NIBAN2: variants seen among roughly 807,000 people sequenced by gnomAD.
NIBAN2 encodes the protein niban apoptosis regulator 2.
A neutral mutation model predicts 81.8 loss-of-function variants in NIBAN2; 36 were observed. The ratio of observed to expected loss-of-function variants is 0.44; its 90% CI spans 0.34 to 0.58. The LOEUF is 0.58. NIBAN2 is among the 20% of genes least tolerant of loss of function. The pLI, the probability that NIBAN2 is intolerant of heterozygous loss-of-function variation, is 0.02. For missense variants in NIBAN2, 897 were observed against 1,014.1 expected (o/e 0.88, Z 1.57); for synonymous variants, 445 against 441.6 (o/e 1.01, Z -0.10).
chr9:127,533,383 G>GGAGGC (rs1174350561), intron 1 of NIBAN2, among the ~76,000 whole-genome samples: 4 of 152,248 alleles, frequency 2.6e-5, no homozygotes, highest in Admixed American at 6.5e-5. Context: ...CATGAACCCG[G>GGAGGC]GAGGCGGAGC....
At chr9:127,564,647 T>C (rs1443783145) in intron 1 of NIBAN2, among the ~76,000 whole-genome samples, 3 of 151,984 alleles carry the variant, frequency 2.0e-5, no homozygotes, top group Non-Finnish European at 4.4e-5. Context: ...TCGAGGTGGG[T>C]GGATCACCTG....
intron 1 of NIBAN2, among the ~76,000 whole-genome samples, chr9:127,564,106 A>AACTTG (rs1312481376): frequency 2.6e-5 from 4 of 152,222 alleles, no homozygotes; most frequent in African/African-American, 9.6e-5. Flanking sequence ...CAACTTGACC[A>AACTTG]ATATGGTAAA....
At position 127,545,596 on chromosome 9, in the gene NIBAN2, A is replaced by C. The variant is rs1837456662; in HGVS notation, c.56-13818T>G. Among the ~76,000 whole-genome samples the C allele has an allele frequency of 1.3e-5, 2 of 151,936 alleles. No individual in the cohort carries two copies. Among genetic ancestry groups the C allele is most frequent in the African/African-American group, 4.8e-5 (2 of 41,364 alleles). ...CCAGGAGTCAGCTGGGGTTTTTCAC[A>C]AGGCTGCCTTGAAAACTCTTCTCGG... On this transcript the variant is annotated intron_variant, in intron 1 of 13. Coordinates refer to ENST00000373312, the MANE Select transcript of NIBAN2 (RefSeq NM_022833.4). This position sits in a 1 kb window ranked among gnomAD's most constrained non-coding sequence, Gnocchi z 4.7.
intron 1 of NIBAN2, among the ~76,000 whole-genome samples, chr9:127,538,345 C>T (rs973349617): frequency 2.2e-4 from 33 of 152,190 alleles, no homozygotes; most frequent in Admixed American, 1.3e-4. Context: ...GCATGCTCCA[C>T]AGCCTGTTTA....
chr9:127,521,592 G>A (rs926761738), intron 5 of NIBAN2, among the ~76,000 whole-genome samples: 2 of 150,862 alleles, frequency 1.3e-5, no homozygotes, highest in Admixed American at 1.3e-4. Context: ...GCAATTCCAG[G>A]CTTCACAAAT....
chr9:127,569,185 C>A, upstream of NIBAN2: 1 of 654,626 alleles, frequency 1.5e-6, no homozygotes. Flanking sequence ...GCGCCCGCCG[C>A]GTCCCACCCC....
At position 127,569,039 on chromosome 9, in the gene NIBAN2, C is replaced by T; in HGVS notation, c.-165G>A. 2 of 1,095,588 alleles carry T rather than the reference C, an allele frequency of 1.8e-6. No homozygotes were observed. The highest frequency in any genetic ancestry group is 2.2e-6 in the Non-Finnish European group (2 of 904,656). 67.9% of individuals were successfully genotyped at this position (1,095,588 alleles called of 1,614,324 possible). The stretch of plus-strand genomic sequence containing the variant: ...CTGCGGCTTCCGCTCCGGCTCCGCT[C>T]CCGGTCGGGCCCCGTCCCTCCAGCC... On this transcript the variant is annotated 5_prime_UTR_variant, in exon 1 of 14. Transcript: ENST00000373312.
intron 1 of NIBAN2, among the ~76,000 whole-genome samples, chr9:127,576,222 G>A (rs1170086864): frequency 6.6e-6 from 1 of 152,068 alleles, no homozygotes; most frequent in Admixed American, 6.6e-5. Flanking sequence ...TCACAGGTTT[G>A]TTCATAGACC....
In NIBAN2 at chr9:127,506,933, T is replaced by G; in HGVS notation, c.2153A>C (p.Glu718Ala). 6.2e-7 allele frequency: 1 copy of G among 1,611,132 alleles called. No homozygotes were observed. Among genetic ancestry groups the G allele is most frequent in the Non-Finnish European group, 8.5e-7 (1 of 1,178,860 alleles). ...GGGGCTGGACACCTGCTCTCCAGTC[T>G]CCTGGTCGCTGGGCTTGGGGGGCCC... ...DLGPPKPSDQETGEQVSSPSS... is the reference protein window; with the variant it reads ...DLGPPKPSDQATGEQVSSPSS... Residue 718 changes from glutamate to alanine, a missense_variant, in exon 14 of 14, where the codon GAG becomes GCG. Glu to Ala is a moderately radical substitution (Grantham distance 107, BLOSUM62 -1). This residue lies in a region of NIBAN2 where 619 missense variants were observed against 691.0 expected (regional missense o/e 0.90). Coordinates refer to ENST00000373312, the MANE Select transcript of NIBAN2 (RefSeq NM_022833.4).
At position 127,554,548 on chromosome 9, in the gene NIBAN2, C is replaced by CTTTT. The variant is rs1230242603; in HGVS notation, c.55+14268_55+14271dup. On this transcript the variant is annotated intron_variant, in intron 1 of 13. Transcript: ENST00000373312. ...GGGTTATTCTTTTCTTTTTCTTTTT[C>CTTTT]TTTTTTTTTTTTTTTTTTTTTTTGC... Among the ~76,000 whole-genome samples the CTTTT allele has an allele frequency of 5.4e-3, 563 of 103,582 alleles. 2 individuals carry two copies. Among genetic ancestry groups the CTTTT allele is most frequent in the African/African-American group, 6.8e-3 (184 of 26,882 alleles). 68.0% of individuals were successfully genotyped at this position (103,582 alleles called of 152,430 possible).
intron 8 of NIBAN2, among the ~76,000 whole-genome samples, chr9:127,515,950 C>G (rs527982036): frequency 6.6e-6 from 1 of 152,072 alleles, no homozygotes; most frequent in African/African-American, 2.4e-5. Context: ...CCAGCCTGGG[C>G]AACATGGCAA....
At position 127,523,830 on chromosome 9, in the gene NIBAN2, C is replaced by T. The variant is rs753750812; in HGVS notation, c.438G>A (p.Ser146=). ...GNSLPGTTAK[S]GSAPILKCPT... ...GGCACTTGAGGATGGGGGCACTGCC[C>T]GACTTTGCCGTGGTCCCTGTGGAGA... The change falls in exon 5 of 14, where the codon TCG becomes TCA. Residue 146 remains serine, a synonymous_variant. Transcript: ENST00000373312. 7.4e-6 allele frequency: 12 copies of T among 1,611,530 alleles called. 1 individual carries two copies. Among genetic ancestry groups the T allele is most frequent in the African/African-American group, 5.3e-5 (4 of 74,896 alleles).
chr9:127,574,619 C>A (rs977355840), intron 1 of NIBAN2, among the ~76,000 whole-genome samples: 2 of 152,074 alleles, frequency 1.3e-5, no homozygotes, highest in Non-Finnish European at 2.9e-5. Context: ...CACGGAGTCC[C>A]AGCTCTGCTC....
chr9:127,511,245 A>C (rs1836731107), intron 8 of NIBAN2, among the ~76,000 whole-genome samples: 1 of 152,018 alleles, frequency 6.6e-6, no homozygotes, highest in Non-Finnish European at 1.5e-5. Context: ...ACAGGGTTTC[A>C]CCATATTGGC....
At chr9:127,541,755 G>C (rs1192177187) in intron 1 of NIBAN2, among the ~76,000 whole-genome samples, 1 of 152,156 alleles carries the variant, frequency 6.6e-6, no homozygotes. Flanking sequence ...GTCCAGAAGA[G>C]GGACCATACC....
Position 127,531,684 on chromosome 9 carries a change from G to A in NIBAN2, c.150C>T (p.Gly50=), listed in dbSNP as rs1837184984. The change falls in exon 2 of 14, where the codon GGC becomes GGT. Residue 50 remains glycine (G), a synonymous_variant. Coordinates refer to ENST00000373312, the MANE Select transcript of NIBAN2 (RefSeq NM_022833.4). ...LFNSMRHEIE[G]TGLPQAQLLW... Reference sequence around the variant, plus strand: ...GCAGCTGGGCCTGCGGCAGCCCCGTGCCCTCAATCTCATGGCGCATGCTGT... The same window carrying A: ...GCAGCTGGGCCTGCGGCAGCCCCGTACCCTCAATCTCATGGCGCATGCTGT... 2.5e-6 allele frequency: 4 copies of A among 1,613,914 alleles called. No individual in the cohort carries two copies. The highest frequency in any genetic ancestry group is 1.1e-5 in the South Asian group (1 of 91,076).
intron 1 of NIBAN2, among the ~76,000 whole-genome samples, chr9:127,574,605 T>C (rs748637815): frequency 6.6e-5 from 10 of 152,058 alleles, no homozygotes; most frequent in African/African-American, 1.2e-4. Flanking sequence ...TCCCTCCCAG[T>C]TGGCACGGAG....
intron 1 of NIBAN2, among the ~76,000 whole-genome samples, chr9:127,560,734 T>G (rs886695525): frequency 6.6e-6 from 1 of 152,146 alleles, no homozygotes; most frequent in Non-Finnish European, 1.5e-5. Context: ...GTTCAATAAC[T>G]ATTGATTGAA....
chr9:127,509,388 C>G (rs1446825840), intron 9 of NIBAN2, among the ~76,000 whole-genome samples: 1 of 152,114 alleles, frequency 6.6e-6, no homozygotes, highest in Admixed American at 6.5e-5. Flanking sequence ...GCAGAAGGCA[C>G]TCATCCCTTC....
Sources: gnomAD v4.1 joint callset for allele counts (sites outside exome capture counted in the v4.1 genomes callset) on GRCh38, gnomAD v4.1.1 for gene constraint, gnomAD v4.1.1 regional missense constraint, Gnocchi (gnomAD v3.1) non-coding constraint, MANE v1.5 for transcripts, NCBI Gene and HGNC (gene_info 2026-07-23, HGNC 2026-07-21) for gene names.